The following DNM3 variants were observed in gnomAD, a reference collection of about 807,000 sequenced individuals.
DNM3 encodes the protein dynamin 3.
Under a neutral mutation model 101.6 loss-of-function variants are expected in DNM3, and 47 were observed. The ratio of observed to expected loss-of-function variants is 0.46; its 90% CI spans 0.37 to 0.59. DNM3 has a LOEUF of 0.59. DNM3 is among the 20% of genes least tolerant of loss of function. The pLI is 0.00. For missense variants in DNM3, 849 were observed against 1,085.7 expected, an observed-to-expected ratio of 0.78 and a Z score of 3.06; for synonymous variants, 385 against 387.9, an observed-to-expected ratio of 0.99 and a Z score of 0.09.
chr1:172,083,938 G>A (rs139531921), intron 12 of DNM3, among the ~76,000 whole-genome samples: 2 of 152,116 alleles, frequency 1.3e-5, no homozygotes, highest in Admixed American at 6.6e-5. Context: ...CAGTGAGATA[G>A]ACTATGAATC....
intron 11 of DNM3, among the ~76,000 whole-genome samples, chr1:172,073,325 GTGCATATGTGTACATATTTGAACATATA>G (rs1460414001): frequency 2.6e-5 from 4 of 151,630 alleles, no homozygotes; most frequent in Non-Finnish European, 4.4e-5. Context: ...TTGAACATAT[GTGCATATGTGTACATATTTGAACATATA>G]TGCATATGTG....
chr1:172,120,169 C>T (rs2056217146), intron 13 of DNM3, among the ~76,000 whole-genome samples: 1 of 152,140 alleles, frequency 6.6e-6, no homozygotes, highest in Non-Finnish European at 1.5e-5. Context: ...TTAATGGACT[C>T]ATGTTCTACG....
At chr1:172,053,096 C>T (rs1463454109) in intron 10 of DNM3, among the ~76,000 whole-genome samples, 2 of 152,096 alleles carry the variant, frequency 1.3e-5, no homozygotes, top group African/African-American at 2.4e-5. Context: ...AATTATTCAA[C>T]GACTCCTCAG....
At chr1:172,057,521 G>T (rs2050745722) in intron 10 of DNM3, among the ~76,000 whole-genome samples, 1 of 152,252 alleles carries the variant, frequency 6.6e-6, no homozygotes. Flanking sequence ...CAAGCCAGAA[G>T]AGAGTGGGGG....
At chr1:172,401,565 A>C (rs1255837319) in intron 20 of DNM3, among the ~76,000 whole-genome samples, 3 of 152,212 alleles carry the variant, frequency 2.0e-5, no homozygotes, top group Admixed American at 2.0e-4. Context: ...AATGACATAC[A>C]TTATAAAATC....
At chr1:172,014,071 G>A (rs1331191459) in intron 4 of DNM3, among the ~76,000 whole-genome samples, 1 of 151,946 alleles carries the variant, frequency 6.6e-6, no homozygotes, top group African/African-American at 2.4e-5. Context: ...ACAGACACTT[G>A]AACACACATG....
At chr1:171,944,753 G>T (rs914198347) in intron 2 of DNM3, among the ~76,000 whole-genome samples, 1 of 149,684 alleles carries the variant, frequency 6.7e-6, no homozygotes, top group African/African-American at 2.5e-5. Context: ...AAGGAATGTT[G>T]GTCCAATAAT....
chr1:171,880,110 A>G (rs768758205), intron 1 of DNM3, among the ~76,000 whole-genome samples: 2 of 152,232 alleles, frequency 1.3e-5, no homozygotes, highest in African/African-American at 2.4e-5. Context: ...TTGGAACAGA[A>G]GTTGAGCTGG....
intron 1 of DNM3, among the ~76,000 whole-genome samples, chr1:171,909,926 C>T (rs528966497): frequency 2.0e-5 from 3 of 152,298 alleles, no homozygotes; most frequent in South Asian, 2.1e-4. Flanking sequence ...AGAAATAACA[C>T]TTGCCACACG....
At chr1:172,107,452 A>T (rs1012002351) in intron 13 of DNM3, among the ~76,000 whole-genome samples, 9 of 152,082 alleles carry the variant, frequency 5.9e-5, no homozygotes, top group Non-Finnish European at 1.3e-4. Flanking sequence ...AATCACCATC[A>T]GTTCACAGGC....
intron 17 of DNM3, among the ~76,000 whole-genome samples, chr1:172,344,337 G>C (rs183470351): frequency 6.6e-6 from 1 of 152,076 alleles, no homozygotes; most frequent in East Asian, 1.9e-4. Flanking sequence ...GTTGTGAGTG[G>C]GTTAGAAGGT....
At position 172,356,806 on chromosome 1, in the gene DNM3, C is replaced by A. The variant is rs9425294; in HGVS notation, c.1894-22212C>A. On this transcript the variant is annotated intron_variant, in intron 17 of 20. Transcript: ENST00000627582. ...AAAAGATAAGGTTACTTTATACTAT[C>A]TCTCAATAAATGGAGCCAAGGATCC... Among the ~76,000 whole-genome samples the A allele has an allele frequency of 3.2e-3, 494 of 152,160 alleles. 2 individuals are homozygous for A. Among genetic ancestry groups the A allele is most frequent in the African/African-American group, 0.011 (470 of 41,540 alleles).
intron 17 of DNM3, among the ~76,000 whole-genome samples, chr1:172,345,398 G>A (rs911854818): frequency 1.3e-5 from 2 of 152,196 alleles, no homozygotes; most frequent in African/African-American, 4.8e-5. Flanking sequence ...TCAGCCAAGT[G>A]AGAATGAAGG....
chr1:172,150,451 C>T (rs887479641), intron 14 of DNM3, among the ~76,000 whole-genome samples: 8 of 152,254 alleles, frequency 5.3e-5, no homozygotes, highest in Middle Eastern at 6.8e-3. Context: ...ACTACAAAAG[C>T]TATAGAGACA....
chr1:172,322,620 C>G (rs981474097), intron 16 of DNM3, among the ~76,000 whole-genome samples: 1 of 152,102 alleles, frequency 6.6e-6, no homozygotes, highest in Non-Finnish European at 1.5e-5. Context: ...TTGTGACTAA[C>G]CTTTCCAGAC....
intron 15 of DNM3, among the ~76,000 whole-genome samples, chr1:172,283,759 CAAAAAAAAAA>C (rs769812358): frequency 0.011 from 446 of 40,296 alleles, 5 homozygotes; most frequent in Non-Finnish European, 0.022. Context: ...GACTCCATCT[CAAAAAAAAAA>C]AAAAAAAAAA....
At chr1:172,052,231 CCTTGTCTCTGTTGAGAT>C (rs2050255391) in intron 10 of DNM3, among the ~76,000 whole-genome samples, 1 of 152,172 alleles carries the variant, frequency 6.6e-6, no homozygotes, top group Non-Finnish European at 1.5e-5. Context: ...CCCTTCTTAT[CCTTGTCTCTGTTGAGAT>C]AGTATTCCTG....
intron 10 of DNM3, among the ~76,000 whole-genome samples, chr1:172,054,732 A>G (rs1274667855): frequency 6.6e-6 from 1 of 152,056 alleles, no homozygotes; most frequent in African/African-American, 2.4e-5. Flanking sequence ...GCCGAGGCGG[A>G]TGGATCACCT....
rs542714848 is a variant in DNM3 at position 171,942,697 on chromosome 1, A to G, written c.235+20876A>G. 2.1e-4 allele frequency among the ~76,000 whole-genome samples: 32 copies of G among 152,312 alleles called. 2 individuals are homozygous for G. The South Asian group carries it at 4.6e-3, about 22-fold the overall frequency. ...CTATGGAAGGCAAAAAGTTTAGGGTAAGGGAACTGGGAGTACTGGATTGCA... is the reference window on the plus strand; with the variant it reads ...CTATGGAAGGCAAAAAGTTTAGGGTGAGGGAACTGGGAGTACTGGATTGCA... On this transcript the variant is annotated intron_variant, in intron 2 of 20. Transcript: ENST00000627582.
Sources: gnomAD v4.1 joint callset for allele counts (sites outside exome capture counted in the v4.1 genomes callset) on GRCh38, gnomAD v4.1.1 for gene constraint, MANE v1.5 for transcripts, NCBI Gene and HGNC (gene_info 2026-07-23, HGNC 2026-07-21) for gene names.